The following ABHD17B variants were observed in gnomAD, a reference collection of about 807,000 sequenced individuals.
The protein encoded by ABHD17B is alpha/beta hydrolase domain-containing protein 17B.
Under a neutral mutation model 26.2 loss-of-function variants are expected in ABHD17B, and 9 were observed. The observed-to-expected ratio is 0.34, with a 90% CI of 0.21 to 0.60. The LOEUF (loss-of-function observed/expected upper bound fraction) is 0.60, where lower values mean the gene tolerates loss of function less well. Among genes scored for constraint, ABHD17B ranks in the 20% least tolerant of loss-of-function variants. ABHD17B has a pLI of 0.80. For missense variants in ABHD17B, 224 were observed against 352.1 expected, an observed-to-expected ratio of 0.64 and a Z score of 2.91; for synonymous variants, 127 against 122.3, an observed-to-expected ratio of 1.04 and a Z score of -0.25.
chr9:71,903,846 G>C (rs982990538), intron 1 of ABHD17B, among the ~76,000 whole-genome samples: 1 of 152,180 alleles, frequency 6.6e-6, no homozygotes, highest in African/African-American at 2.4e-5. Flanking sequence ...ATGAGAACAA[G>C]TGGGGGGCGG....
chr9:71,879,151 G>A (rs1280243766), intron 1 of ABHD17B, among the ~76,000 whole-genome samples: 3 of 152,142 alleles, frequency 2.0e-5, no homozygotes, highest in Non-Finnish European at 4.4e-5. Context: ...GTGAGAGCCT[G>A]TCTCAACAAT....
intron 2 of ABHD17B, among the ~76,000 whole-genome samples, chr9:71,870,482 T>A (rs1008157164): frequency 2.0e-5 from 3 of 152,196 alleles, no homozygotes; most frequent in Non-Finnish European, 4.4e-5. Context: ...GGAAGAATAA[T>A]TGCTGAGGTA....
chr9:71,874,011 T>A (rs1051794497), intron 2 of ABHD17B, among the ~76,000 whole-genome samples: 1 of 152,188 alleles, frequency 6.6e-6, no homozygotes, highest in African/African-American at 2.4e-5. Context: ...AAGATTTTAA[T>A]AGAAAGCAAT....
chr9:71,869,790 A>G (rs1171173950), intron 3 of ABHD17B, among the ~76,000 whole-genome samples: 2 of 152,146 alleles, frequency 1.3e-5, no homozygotes, highest in African/African-American at 4.8e-5. Flanking sequence ...TCTGATACTC[A>G]GTTCTGTCAA....
chr9:71,862,592 C>CT (rs764820524), downstream of ABHD17B: 54 of 1,378,464 alleles, frequency 3.9e-5, no homozygotes, highest in Non-Finnish European at 5.1e-5. Flanking sequence ...CACTTCCCTT[C>CT]TTTATGTTTC....
chr9:71,896,693 C>T (rs914346693), intron 1 of ABHD17B, among the ~76,000 whole-genome samples: 2 of 151,562 alleles, frequency 1.3e-5, no homozygotes, highest in African/African-American at 4.8e-5. Context: ...CACACACACA[C>T]ACACACACAC....
At chr9:71,873,175 T>C (rs997144235) in intron 2 of ABHD17B, among the ~76,000 whole-genome samples, 16 of 152,072 alleles carry the variant, frequency 1.1e-4, no homozygotes, top group Non-Finnish European at 1.2e-4. Flanking sequence ...TTTCATATAA[T>C]ATAAAGAATA....
downstream of ABHD17B, among the ~76,000 whole-genome samples, chr9:71,863,299 T>C (rs1825874458): frequency 6.6e-6 from 1 of 152,184 alleles, no homozygotes; most frequent in Admixed American, 6.5e-5. Flanking sequence ...GGGCTGAAAT[T>C]TTCACATTAC....
At chr9:71,887,646 C>A (rs1165623859) in intron 1 of ABHD17B, among the ~76,000 whole-genome samples, 2 of 152,220 alleles carry the variant, frequency 1.3e-5, no homozygotes, top group Non-Finnish European at 2.9e-5. Flanking sequence ...ATGGGCAGTG[C>A]TGAACGAAAA....
downstream of ABHD17B, chr9:71,862,632 TATC>T (rs746719963): frequency 1.0e-6 from 1 of 982,532 alleles, no homozygotes; most frequent in East Asian, 2.4e-5. Flanking sequence ...GATTAGGCTA[TATC>T]ATCTCTGCAG....
chr9:71,899,844 G>A (rs988273742), intron 1 of ABHD17B, among the ~76,000 whole-genome samples: 4 of 113,534 alleles, frequency 3.5e-5, no homozygotes, highest in African/African-American at 1.4e-4. Flanking sequence ...CTCTCTTCCT[G>A]CCTTGTCCTT....
chr9:71,889,124 G>A (rs1826701244), intron 1 of ABHD17B, among the ~76,000 whole-genome samples: 1 of 151,656 alleles, frequency 6.6e-6, no homozygotes, highest in South Asian at 2.1e-4. Context: ...AGACCAGCCC[G>A]GCCAATATAG....
chr9:71,907,947 C>T (rs1301482610), intron 1 of ABHD17B, among the ~76,000 whole-genome samples: 1 of 152,210 alleles, frequency 6.6e-6, no homozygotes, highest in Non-Finnish European at 1.5e-5. Flanking sequence ...AACTCTTGGG[C>T]ATGAACAGGT....
rs1317248073 is a variant in ABHD17B, at chr9:71,875,131, C to G, written c.-3-48G>C. 3 of 1,423,608 alleles carry G rather than the reference C, an allele frequency of 2.1e-6. No homozygotes were observed. The Admixed American group carries it at 5.6e-5, about 27-fold the overall frequency. The allele number at this position is 1,423,608 out of a possible 1,614,324, so 88.2% of individuals were successfully genotyped here. A position where few individuals can be genotyped will look rare whatever the true frequency, so the allele number is the denominator to read the frequency against. On this transcript the variant is annotated intron_variant, in intron 1 of 3. Coordinates refer to ENST00000333421, the MANE Select transcript of ABHD17B (RefSeq NM_001025780.3). ...AAATATTTTAATAACTGAATGTAGA[C>G]TCATACAATAAAAAGTTAAAACACA...
At position 71,870,259 on chromosome 9, in the gene ABHD17B, A is replaced by G. The variant is rs200500072; in HGVS notation, c.471T>C (p.Tyr157=). The change falls in exon 3 of 4, where the codon TAT becomes TAC. Residue 157 remains tyrosine, a synonymous_variant. Transcript: ENST00000333421. Reference sequence around the variant, plus strand: ...TAATCACATTTTCAGGGCGAATGCCATATCTACAAAGTTCAGGCGTTAAAA... The same window carrying G: ...TAATCACATTTTCAGGGCGAATGCCGTATCTACAAAGTTCAGGCGTTAAAA... ...EAAWLALRTR[Y]GIRPENVIIY... The G allele has an allele frequency of 1.1e-5, 17 of 1,585,410 alleles. No individual in the cohort carries two copies. Among genetic ancestry groups the G allele is most frequent in the South Asian group, 4.7e-5 (4 of 85,084 alleles).
chr9:71,883,018 C>A (rs963662692), intron 1 of ABHD17B, among the ~76,000 whole-genome samples: 2 of 77,894 alleles, frequency 2.6e-5, no homozygotes, highest in African/African-American at 3.7e-5. Context: ...GTGGCACACA[C>A]CTGTAATCCC....
intron 1 of ABHD17B, among the ~76,000 whole-genome samples, chr9:71,890,798 T>A (rs1218982605): frequency 2.0e-5 from 3 of 152,230 alleles, no homozygotes; most frequent in Admixed American, 6.5e-5. Flanking sequence ...ATTTAACATA[T>A]TCCAATTTAT....
intron 1 of ABHD17B, among the ~76,000 whole-genome samples, chr9:71,904,876 C>A (rs1240902035): frequency 6.6e-6 from 1 of 152,122 alleles, no homozygotes; most frequent in Non-Finnish European, 1.5e-5. Context: ...CCTAATTTCA[C>A]AATAAAGGGC....
In ABHD17B at chr9:71,870,374, T is replaced by C. The variant is rs145402755; in HGVS notation, c.468-112A>G. On this transcript the variant is annotated intron_variant, in intron 2 of 3. Coordinates refer to ENST00000333421, the MANE Select transcript of ABHD17B (RefSeq NM_001025780.3). Reference sequence around the variant, plus strand: ...ATAAGACAATGTCAACTAATCCATTTTTTAAACTTAAGTTTCTTAGCTATT... The same window carrying C: ...ATAAGACAATGTCAACTAATCCATTCTTTAAACTTAAGTTTCTTAGCTATT... 364 of 940,234 alleles carry C rather than the reference T, an allele frequency of 3.9e-4. 2 individuals are homozygous for C. In the African/African-American group the frequency reaches 5.3e-3, roughly 14 times the overall value. 58.2% of individuals were successfully genotyped at this position (940,234 alleles called of 1,614,324 possible).
Sources: allele counts gnomAD v4.1 joint callset (sites outside exome capture counted in the v4.1 genomes callset), GRCh38; gene constraint gnomAD v4.1.1; transcripts MANE v1.5; gene names NCBI Gene and HGNC (gene_info 2026-07-23, HGNC 2026-07-21).